The following KCNRG variants were observed in gnomAD, a reference collection of about 807,000 sequenced individuals.
KCNRG encodes the protein potassium channel regulator, also known as potassium channel regulatory protein.
In KCNRG, 17 loss-of-function variants were observed where a neutral mutation model predicts 17.7. The observed-to-expected ratio is 0.96, with a 90% confidence interval of 0.66 to 1.44. The LOEUF (loss-of-function observed/expected upper bound fraction) is 1.44. KCNRG is among the 40% of genes most tolerant of loss of function. KCNRG has a pLI of 0.00. For missense variants in KCNRG, 311 were observed against 321.1 expected (o/e 0.97, Z 0.24); for synonymous variants, 97 against 116.5 (o/e 0.83, Z 1.08).
chr13:50,017,730 C>G (rs746245177), intron 1 of KCNRG: 3 of 167,014 alleles, frequency 1.8e-5, no homozygotes, highest in Non-Finnish European at 4.4e-5. Context: ...GGGATGAAAA[C>G]TCTGGCCTTA....
chr13:50,018,830 T>G (rs1876939896), intron 1 of KCNRG: 1 of 161,164 alleles, frequency 6.2e-6, no homozygotes, highest in African/African-American at 2.4e-5. Context: ...CAGGCTGGTA[T>G]GCAATGGCGT....
In KCNRG at chr13:50,015,542, A is replaced by G; in HGVS notation, c.49A>G (p.Thr17Ala). 1 of 1,613,954 alleles carries G rather than the reference A, an allele frequency of 6.2e-7. No individual in the cohort carries two copies. The highest frequency in any genetic ancestry group is 8.5e-7 in the Non-Finnish European group (1 of 1,179,922). The change falls in exon 1 of 2, where the codon ACG (threonine) becomes GCG (alanine). Residue 17 changes from threonine (T) to alanine (A), a missense_variant. Transcript: ENST00000312942. ...VTLNVGGKIF[T>A]TRFSTIKQFP... ...TTTGAATGTGGGAGGGAAGATATTC[A>G]CGACAAGGTTTTCTACGATAAAGCA...
At chr13:50,016,771 C>G (rs776289105) in intron 1 of KCNRG, 1 of 166,892 alleles carries the variant, frequency 6.0e-6, no homozygotes, top group Non-Finnish European at 1.5e-5. Context: ...TGCTGTCCTA[C>G]CATTATTTTA....
Position 50,020,393 on chromosome 13 carries a change from CGAAT to C in KCNRG, c.762_765del (p.Asn254LysfsTer16), listed in dbSNP as rs1877088448. On this transcript the variant is annotated frameshift_variant, in exon 2 of 2. Transcript: ENST00000312942. LOFTEE classifies it high-confidence loss of function. Reference sequence around the variant, plus strand: ...ATAAAAAGCCCTGAAGTGCTCATCACGAATGAAACACCAAAACCAGAGACTATCA... The same window carrying C: ...ATAAAAAGCCCTGAAGTGCTCATCACGAAACACCAAAACCAGAGACTATCA... The C allele has an allele frequency of 3.1e-6, 5 of 1,613,762 alleles. No individual in the cohort carries two copies. Among genetic ancestry groups the C allele is most frequent in the Non-Finnish European group, 4.2e-6 (5 of 1,179,772 alleles).
rs1484045589 is a variant in KCNRG, at chr13:50,015,718, A to C, written c.225A>C (p.Glu75Asp). ...LRTHQLLLPT[E>D]FSDYLRLQRE... ...CTCACCAGCTTTTATTACCCACTGA[A>C]TTTTCAGACTATCTTAGGCTTCAGA... Residue 75 changes from glutamate (E) to aspartate (D), a missense_variant, in exon 1 of 2, where the codon GAA becomes GAC. Coordinates refer to ENST00000312942, the MANE Select transcript of KCNRG (RefSeq NM_173605.2). The C allele has an allele frequency of 1.9e-6, 3 of 1,613,926 alleles. No homozygotes were observed. The highest frequency in any genetic ancestry group is 2.5e-6 in the Non-Finnish European group (3 of 1,179,918).
Position 50,020,616 on chromosome 13 carries a change from GC to G in KCNRG, c.*164del. 1 of 649,316 alleles carries G rather than the reference GC, an allele frequency of 1.5e-6. No homozygotes were observed. Among genetic ancestry groups the G allele is most frequent in the South Asian group, 1.9e-5 (1 of 52,322 alleles). The allele number at this position is 649,316 out of a possible 1,614,324, so 40.2% of individuals were successfully genotyped here. A position where few individuals can be genotyped will look rare whatever the true frequency, so the allele number is the denominator to read the frequency against. ...GCCCCAACTGTGCTTAAGCCATAAT[GC>G]CTGCTGCTCTCTAGACAACTCCATG... is the stretch of plus-strand genomic sequence containing the variant. On this transcript the variant is annotated 3_prime_UTR_variant, in exon 2 of 2. Transcript: ENST00000312942.
chr13:50,015,539 T>C lies in KCNRG; in HGVS notation c.46T>C (p.Phe16Leu), dbSNP rs762253211. 1.8e-5 allele frequency: 29 copies of C among 1,613,818 alleles called. No homozygotes were observed. In the African/African-American group the frequency reaches 1.9e-4, roughly 10 times the overall value. Residue 16 changes from phenylalanine to leucine, a missense_variant, in exon 1 of 2, where the codon TTC becomes CTC. Transcript: ENST00000312942. ...LVTLNVGGKI[F>L]TTRFSTIKQF... ...CACTTTGAATGTGGGAGGGAAGATA[T>C]TCACGACAAGGTTTTCTACGATAAA...
At chr13:50,018,300 T>C (rs537423171) in intron 1 of KCNRG, 1 of 167,026 alleles carries the variant, frequency 6.0e-6, no homozygotes, top group Admixed American at 6.5e-5. Flanking sequence ...TATCTGTATA[T>C]ACTATTTGTA....
intron 1 of KCNRG, chr13:50,016,959 T>C (rs994175168): frequency 1.1e-4 from 18 of 166,848 alleles, no homozygotes; most frequent in African/African-American, 3.9e-4. Flanking sequence ...CTCTCTCTCT[T>C]AGCGACACAC....
chr13:50,016,132 T>C (rs1394490329), intron 1 of KCNRG, 61 bp downstream of exon 1: 19 of 1,264,086 alleles, frequency 1.5e-5, no homozygotes, highest in East Asian at 9.5e-5. Flanking sequence ...CTCTAAAAAC[T>C]TGAAGTTCCT....
At chr13:50,016,734 C>G (rs529885231) in intron 1 of KCNRG, 39 of 167,056 alleles carry the variant, frequency 2.3e-4, no homozygotes, top group Non-Finnish European at 4.8e-4. Flanking sequence ...CTGTCACAAA[C>G]ATTTTTCCCC....
At chr13:50,016,863 CTTTTT>C (rs34862097) in intron 1 of KCNRG, 13 of 149,426 alleles carry the variant, frequency 8.7e-5, no homozygotes, top group Non-Finnish European at 3.1e-5. Context: ...TTAAAATATA[CTTTTT>C]TTTTTTTTTT....
intron 1 of KCNRG, chr13:50,016,373 C>T (rs1876578446): frequency 3.5e-6 from 1 of 289,272 alleles, no homozygotes. Context: ...TGTTCCATTG[C>T]TAATGAATTT....
In KCNRG at chr13:50,016,027, C is replaced by T. The variant is rs1876510633; in HGVS notation, c.534C>T (p.Phe178=). ...GACCTTCTTACCATGACCTGGTTTT[C>T]CAGTGTGGTTCTGACAGCACTACTG... ...PQRPSYHDLV[F]QCGSDSTTDN... Residue 178 remains phenylalanine, a synonymous_variant, in exon 1 of 2, where the codon TTC becomes TTT. Transcript: ENST00000312942. 4 of 1,614,088 alleles carry T rather than the reference C, an allele frequency of 2.5e-6. No homozygotes were observed. The highest frequency in any genetic ancestry group is 2.5e-6 in the Non-Finnish European group (3 of 1,179,954).
chr13:50,015,492 G>T lies in KCNRG; in HGVS notation c.-2G>T, dbSNP rs1179129727. 1.9e-6 allele frequency: 3 copies of T among 1,600,034 alleles called. No homozygotes were observed. Among genetic ancestry groups the T allele is most frequent in the Non-Finnish European group, 2.6e-6 (3 of 1,171,784 alleles). On this transcript the variant is annotated 5_prime_UTR_variant, in exon 1 of 2. Coordinates refer to ENST00000312942, the MANE Select transcript of KCNRG (RefSeq NM_173605.2). ...TAGCCTCTAGTTTGAAGTGAGGGAA[G>T]AATGAGTAGTCAGGAACTGGTCACT...
chr13:50,015,549 G>C lies in KCNRG; in HGVS notation c.56G>C (p.Arg19Thr). The change falls in exon 1 of 2, where the codon AGG becomes ACG. Residue 19 changes from arginine (R) to threonine (T), a missense_variant. Arg to Thr is a moderately conservative substitution (Grantham distance 71). Coordinates refer to ENST00000312942, the MANE Select transcript of KCNRG (RefSeq NM_173605.2). ...LNVGGKIFTT[R>T]FSTIKQFPAS... Reference sequence around the variant, plus strand: ...GTGGGAGGGAAGATATTCACGACAAGGTTTTCTACGATAAAGCAGTTTCCT... The same window carrying C: ...GTGGGAGGGAAGATATTCACGACAACGTTTTCTACGATAAAGCAGTTTCCT... The C allele has an allele frequency of 6.2e-7, 1 of 1,614,072 alleles. No homozygotes were observed.
intron 1 of KCNRG, among the ~76,000 whole-genome samples, chr13:50,019,920 C>A (rs1594601414): frequency 1.3e-5 from 2 of 152,096 alleles, no homozygotes; most frequent in Middle Eastern, 3.4e-3. Context: ...CGCCTGTAAT[C>A]CCACCTGCTT....
chr13:50,015,961 T>C lies in KCNRG; in HGVS notation c.468T>C (p.Phe156=). The part of the protein sequence containing the change: ...QPSAPTWNGN[F]FPPQMTLLPL... ...CAGCGCCGACCTGGAATGGTAACTT[T>C]TTCCCTCCTCAGATGACCTTACTTC... Residue 156 remains phenylalanine (F), a synonymous_variant, in exon 1 of 2, where the codon TTT becomes TTC. Transcript: ENST00000312942. 6.2e-7 allele frequency: 1 copy of C among 1,614,138 alleles called. No homozygotes were observed. Among genetic ancestry groups the C allele is most frequent in the Non-Finnish European group, 8.5e-7 (1 of 1,179,980 alleles).
At position 50,019,301 on chromosome 13, in the gene KCNRG, TAGA is replaced by T. The variant is rs1302608783; in HGVS notation, c.579-909_579-907del. Among the ~76,000 whole-genome samples, 8 of 152,316 alleles carry T rather than the reference TAGA, an allele frequency of 5.3e-5. No homozygotes were observed. The East Asian group carries it at 1.5e-3, about 29-fold the overall frequency. ...TTGTTCTGTGGAGCACCTCAGTGAA[TAGA>T]AGATTTTGCCCTTTCCACTCTCCAG... On this transcript the variant is annotated intron_variant, in intron 1 of 1. Transcript: ENST00000312942.
Sources: allele counts gnomAD v4.1 joint callset (sites outside exome capture counted in the v4.1 genomes callset), GRCh38; gene constraint gnomAD v4.1.1; transcripts MANE v1.5; gene names NCBI Gene and HGNC (gene_info 2026-07-23, HGNC 2026-07-21).